The following WWP2 variants were observed in gnomAD, a reference collection of about 807,000 sequenced individuals.
WWP2 encodes the protein NEDD4-like E3 ubiquitin-protein ligase WWP2.
In WWP2, 57 loss-of-function variants were observed where a neutral mutation model predicts 121.0. That is an observed-to-expected ratio of 0.47 (90% CI 0.38 to 0.59). The LOEUF (loss-of-function observed/expected upper bound fraction) is 0.59, where lower values mean the gene tolerates loss of function less well. Among genes scored for constraint, WWP2 ranks in the 20% least tolerant of loss-of-function variants. The probability of loss-of-function intolerance (pLI) is 0.00; values close to 1 mark genes in which losing one functional copy is unlikely to be tolerated. For synonymous variants in WWP2, 449 were observed against 441.3 expected, an observed-to-expected ratio of 1.02 and a Z score of -0.22; for missense variants, 962 against 1,158.9, an observed-to-expected ratio of 0.83 and a Z score of 2.47.
intron 10 of WWP2, among the ~76,000 whole-genome samples, chr16:69,921,577 TC>T (rs2058561955): frequency 6.6e-6 from 1 of 152,196 alleles, no homozygotes; most frequent in Non-Finnish European, 1.5e-5. Context: ...CTTTCCCAAC[TC>T]CTAGTGTGCT....
intron 6 of WWP2, among the ~76,000 whole-genome samples, chr16:69,871,010 G>A (rs1022479122): frequency 2.0e-5 from 3 of 152,162 alleles, no homozygotes; most frequent in Non-Finnish European, 2.9e-5. Flanking sequence ...TCTAGGCCAG[G>A]CATAGTGGCT....
At chr16:69,810,664 T>C (rs964097777) in intron 4 of WWP2, among the ~76,000 whole-genome samples, 10 of 151,956 alleles carry the variant, frequency 6.6e-5, no homozygotes, top group Admixed American at 5.9e-4. Context: ...TCTCCTGACC[T>C]TGTGATCCGC....
chr16:69,842,445 G>A (rs959241999), intron 6 of WWP2, among the ~76,000 whole-genome samples: 26 of 152,124 alleles, frequency 1.7e-4, no homozygotes, highest in African/African-American at 5.8e-4. Flanking sequence ...AGTGAACATA[G>A]TACCTGATTG....
chr16:69,766,722 A>G (rs183755427), intron 1 of WWP2, among the ~76,000 whole-genome samples: 223 of 152,106 alleles, frequency 1.5e-3, no homozygotes, highest in Admixed American at 2.5e-3. Context: ...TTACTCAACC[A>G]TCACCTTCAG....
chr16:69,934,179 T>G, intron 17 of WWP2, 50 bp downstream of exon 17: 1 of 1,595,874 alleles, frequency 6.3e-7, no homozygotes. Flanking sequence ...CTCCCTCCTC[T>G]TCCCTCTCCT....
chr16:69,863,742 C>T (rs555259875), intron 6 of WWP2, among the ~76,000 whole-genome samples: 4 of 152,196 alleles, frequency 2.6e-5, no homozygotes, highest in African/African-American at 9.7e-5. Context: ...TTGTACCCGT[C>T]GCTGCTGGCA....
At chr16:69,875,428 C>T (rs575460600) in intron 7 of WWP2, among the ~76,000 whole-genome samples, 7 of 152,314 alleles carry the variant, frequency 4.6e-5, no homozygotes, top group Admixed American at 2.0e-4. Context: ...AATAAGACAA[C>T]ATGAAGTTCA....
chr16:69,930,047 C>T lies in WWP2; in HGVS notation c.1317-83C>T, dbSNP rs1037960722. 23 of 1,593,706 alleles carry T rather than the reference C, an allele frequency of 1.4e-5. No homozygotes were observed. In the African/African-American group the frequency reaches 2.8e-4, roughly 20 times the overall value. ...CCTCATGGGCTCTGCAGAGACAAAG[C>T]CACACTTTGAGGACCCAGCCTCCAA... On this transcript the variant is annotated intron_variant, in intron 12 of 23. Coordinates refer to ENST00000359154, the MANE Select transcript of WWP2 (RefSeq NM_001270454.2).
chr16:69,811,621 G>A (rs538574647), intron 4 of WWP2, among the ~76,000 whole-genome samples: 2 of 151,658 alleles, frequency 1.3e-5, no homozygotes, highest in African/African-American at 4.8e-5. Flanking sequence ...GGCATGGTGG[G>A]CATGCAACGG....
intron 6 of WWP2, among the ~76,000 whole-genome samples, chr16:69,846,347 T>A (rs1382980563): frequency 6.6e-6 from 1 of 152,176 alleles, no homozygotes; most frequent in African/African-American, 2.4e-5. Context: ...CATAGTAGGA[T>A]GTCATACGTA....
At chr16:69,894,415 T>C (rs867194154) in intron 8 of WWP2, among the ~76,000 whole-genome samples, 3 of 152,146 alleles carry the variant, frequency 2.0e-5, no homozygotes, top group Non-Finnish European at 4.4e-5. Context: ...CAGATGAGAC[T>C]TTGGCCATAT....
In WWP2 at chr16:69,925,596, C is replaced by A; in HGVS notation, c.1234+112C>A. On this transcript the variant is annotated intron_variant, in intron 11 of 23. Coordinates refer to ENST00000359154, the MANE Select transcript of WWP2 (RefSeq NM_001270454.2). The surrounding 1 kb of genome is among the most constrained non-coding windows in gnomAD (Gnocchi z 4.0). Reference sequence around the variant, plus strand: ...TCCTGTCCCTCTGTTTTCCATCTCTCCCCTCTCCAGCACACTCTCTGGGCA... The same window carrying A: ...TCCTGTCCCTCTGTTTTCCATCTCTACCCTCTCCAGCACACTCTCTGGGCA... The A allele has an allele frequency of 7.2e-7, 1 of 1,381,034 alleles. No individual in the cohort carries two copies. Among genetic ancestry groups the A allele is most frequent in the Non-Finnish European group, 9.9e-7 (1 of 1,012,626 alleles). The allele number at this position is 1,381,034 out of a possible 1,614,324, so 85.5% of individuals were successfully genotyped here.
At position 69,940,106 on chromosome 16, in the gene WWP2, C is replaced by T. The variant is rs1323167077; in HGVS notation, c.*166C>T. On this transcript the variant is annotated 3_prime_UTR_variant, in exon 24 of 24. Transcript: ENST00000359154. ...CAGAAAAGCCTGATCCCAGGAGGCC[C>T]TGCAGTTCCCCCGACCCGCGGATGG... The T allele has an allele frequency of 1.6e-6, 1 of 620,298 alleles. No individual in the cohort carries two copies. Among genetic ancestry groups the T allele is most frequent in the African/African-American group, 1.8e-5 (1 of 54,156 alleles). 38.4% of individuals were successfully genotyped at this position (620,298 alleles called of 1,614,324 possible).
At chr16:69,871,666 G>T in intron 6 of WWP2, 138 bp from the exon 7 acceptor site, 2 of 1,293,748 alleles carry the variant, frequency 1.5e-6, no homozygotes, top group Non-Finnish European at 2.1e-6. Context: ...CTTCTGTTTA[G>T]TCCAAAACTA....
chr16:69,847,468 G>C (rs1006039229), intron 6 of WWP2, among the ~76,000 whole-genome samples: 1 of 150,234 alleles, frequency 6.7e-6, no homozygotes, highest in Non-Finnish European at 1.5e-5. Context: ...GGACTGCAAT[G>C]GTGCAAACTC....
chr16:69,838,649 G>C, intron 4 of WWP2: 1 of 865,496 alleles, frequency 1.2e-6, no homozygotes, highest in Non-Finnish European at 1.4e-6. Flanking sequence ...GGGATGGCAA[G>C]AGGTGGCTGG....
chr16:69,920,872 G>A (rs1194871353), intron 10 of WWP2, among the ~76,000 whole-genome samples: 1 of 152,138 alleles, frequency 6.6e-6, no homozygotes, highest in Non-Finnish European at 1.5e-5. Context: ...GGTTGACCAA[G>A]ATGTTGGTGT....
chr16:69,920,788 A>C (rs1255110094), intron 10 of WWP2, among the ~76,000 whole-genome samples: 2 of 152,118 alleles, frequency 1.3e-5, no homozygotes, highest in South Asian at 2.1e-4. Context: ...CTGTCTCAAT[A>C]AATAAATAAA....
At position 69,908,862 on chromosome 16, in the gene WWP2, A is replaced by G. The variant is rs780901524; in HGVS notation, c.1004+12A>G. Reference sequence around the variant, plus strand: ...CCCCTTCCTCCAGGGTAGGTCATCAACTGAGAAGACCTGAGACTCTGGAAC... The same window carrying G: ...CCCCTTCCTCCAGGGTAGGTCATCAGCTGAGAAGACCTGAGACTCTGGAAC... On this transcript the variant is annotated intron_variant, in intron 9 of 23. Transcript: ENST00000359154. The G allele has an allele frequency of 1.2e-6, 2 of 1,614,008 alleles. No individual in the cohort carries two copies. The highest frequency in any genetic ancestry group is 2.7e-5 in the African/African-American group (2 of 74,918).
Sources: allele counts gnomAD v4.1 joint callset (sites outside exome capture counted in the v4.1 genomes callset), GRCh38; gene constraint gnomAD v4.1.1; non-coding constraint Gnocchi (gnomAD v3.1); transcripts MANE v1.5; gene names NCBI Gene and HGNC (gene_info 2026-07-23, HGNC 2026-07-21).